The following NHLRC3 variants were observed in gnomAD, a reference collection of about 807,000 sequenced individuals.
The protein encoded by NHLRC3 is NHL repeat-containing protein 3.
NHLRC3 carries 23 observed loss-of-function variants against 32.0 expected under a neutral mutation model. The observed-to-expected ratio is 0.72, with a 90% CI of 0.52 to 1.02. The LOEUF is 1.02. NHLRC3 is among the 50% of genes least tolerant of loss of function. The pLI, the probability that NHLRC3 is intolerant of heterozygous loss-of-function variation, is 0.00. For synonymous variants in NHLRC3, 159 were observed against 147.9 expected (o/e 1.08, Z -0.55); for missense variants, 407 against 406.8 (o/e 1.00, Z -0.01).
At chr13:39,045,130 T>C (rs1031592844) in intron 5 of NHLRC3, among the ~76,000 whole-genome samples, 5 of 152,360 alleles carry the variant, frequency 3.3e-5, no homozygotes, top group South Asian at 2.1e-4. Context: ...AAACTTCTAA[T>C]TATGACTTGG....
intron 2 of NHLRC3, 104 bp downstream of exon 2, chr13:39,039,392 G>C: frequency 9.0e-7 from 1 of 1,110,822 alleles, no homozygotes; most frequent in Non-Finnish European, 1.3e-6. Context: ...TGCTAATTGT[G>C]CAATTTATTT....
rs537254709 is a variant in NHLRC3 at position 39,040,263 on chromosome 13, T to G, written c.385+552T>G. The G allele has an allele frequency of 3.9e-5, 6 of 152,274 alleles. No individual in the cohort carries two copies. The South Asian group carries it at 1.2e-3, about 32-fold the overall frequency. The allele number at this position is 152,274 out of a possible 1,614,324, so 9.4% of individuals were successfully genotyped here. On this transcript the variant is annotated intron_variant, in intron 3 of 6. Transcript: ENST00000379600. ...TCTTTCCTTGAACTTGTCTAGGGTC[T>G]TTTCCTCTTTAAAGCATCAGTTGCT... is the stretch of plus-strand genomic sequence containing the variant.
In NHLRC3 at chr13:39,047,145, T is replaced by A. The variant is rs986704716; in HGVS notation, c.784T>A (p.Ser262Thr). The A allele has an allele frequency of 3.2e-6, 5 of 1,577,912 alleles. No homozygotes were observed. The highest frequency in any genetic ancestry group is 4.4e-6 in the Non-Finnish European group (5 of 1,149,110). ...TTGTTTCACAGAAGAGGGACCTTCT[T>A]CAGTCAGGTAATTGTTTCATTTTAT... is the stretch of plus-strand genomic sequence containing the variant. ...NNCFTEEGPSSVRFTPDGKYL... is the reference protein window; with the variant it reads ...NNCFTEEGPSTVRFTPDGKYL... Residue 262 changes from serine to threonine, a missense_variant, in exon 6 of 7, where the codon TCA becomes ACA. Ser to Thr is a moderately conservative substitution (Grantham distance 58). Transcript: ENST00000379600.
At chr13:39,046,583 T>C (rs1286066989) in intron 5 of NHLRC3, among the ~76,000 whole-genome samples, 3 of 152,208 alleles carry the variant, frequency 2.0e-5, no homozygotes, top group Non-Finnish European at 4.4e-5. Context: ...AATGAATACC[T>C]CACATCCTGC....
chr13:39,046,781 AT>A (rs762853137), intron 5 of NHLRC3, among the ~76,000 whole-genome samples: 6 of 152,190 alleles, frequency 3.9e-5, no homozygotes, highest in Non-Finnish European at 7.3e-5. Context: ...TTATTCACAC[AT>A]TTAGAACAGT....
At chr13:39,045,650 A>G (rs1871642704) in intron 5 of NHLRC3, among the ~76,000 whole-genome samples, 1 of 152,224 alleles carries the variant, frequency 6.6e-6, no homozygotes, top group Admixed American at 6.5e-5. Context: ...CTAAAGTATC[A>G]TTCCATCCTA....
Position 39,039,177 on chromosome 13 carries a change from G to A in NHLRC3, c.126G>A (p.Glu42=), listed in dbSNP as rs781513687. ...NFTFAVSWRT[E]KILYRLDVGW... is the part of the protein sequence containing the mutation. ...CTTTTGCAGTTTCCTGGAGAACTGA[G>A]AAAATTCTTTACCGGCTGGATGTGG... The change falls in exon 2 of 7, where the codon GAG becomes GAA. Residue 42 remains glutamate (E), a synonymous_variant. Transcript: ENST00000379600. The A allele has an allele frequency of 5.0e-6, 8 of 1,613,322 alleles. No homozygotes were observed. The African/African-American group carries it at 8.0e-5, about 16-fold the overall frequency.
intron 3 of NHLRC3, chr13:39,040,635 T>A (rs917746164): frequency 6.6e-6 from 1 of 152,224 alleles, no homozygotes; most frequent in African/African-American, 2.4e-5. Context: ...ACCTGAGATA[T>A]CCTGGCATTA....
chr13:39,047,609 G>A (rs946241912), intron 6 of NHLRC3, 65 bp from the exon 7 acceptor site: 104 of 1,403,106 alleles, frequency 7.4e-5, no homozygotes, highest in Non-Finnish European at 9.3e-5. Context: ...GGATTAAAAT[G>A]TTGAAAAAAA....
rs200432148 is a variant in NHLRC3, at chr13:39,047,760, T to C, written c.878T>C (p.Ile293Thr). 544 of 1,613,644 alleles carry C rather than the reference T, an allele frequency of 3.4e-4. 8 individuals are homozygous for C. In the South Asian group the frequency reaches 4.8e-3, roughly 14 times the overall value. The change falls in exon 7 of 7, where the codon ATT becomes ACT. Residue 293 changes from isoleucine (I) to threonine (T), a missense_variant. Physicochemically the swap from Ile to Thr is moderately conservative, Grantham distance 89. Coordinates refer to ENST00000379600, the MANE Select transcript of NHLRC3 (RefSeq NM_001012754.4). ...GTAGCAGCACCCCCAGTGGGAAGCA[T>C]TGGGGAGTGTTCTGTGATCAGCACA... is the stretch of plus-strand genomic sequence containing the variant. Reference protein sequence around the residue: ...SVVAAPPVGSIGECSVISTIQ... With the variant: ...SVVAAPPVGSTGECSVISTIQ...
chr13:39,047,851 T>C lies in NHLRC3; in HGVS notation c.969T>C (p.Tyr323=). 1 of 1,614,032 alleles carries C rather than the reference T, an allele frequency of 6.2e-7. No homozygotes were observed. The highest frequency in any genetic ancestry group is 8.5e-7 in the Non-Finnish European group (1 of 1,179,888). The change falls in exon 7 of 7, where the codon TAT becomes TAC. Residue 323 remains tyrosine (Y), a synonymous_variant. Coordinates refer to ENST00000379600, the MANE Select transcript of NHLRC3 (RefSeq NM_001012754.4). ...LEVDRKTGAV[Y]VAEIGAKQVQ... ...TCGACAGAAAGACTGGAGCAGTCTA[T>C]GTAGCAGAAATTGGAGCAAAACAAG...
chr13:39,038,421 C>G, upstream of NHLRC3: 2 of 575,688 alleles, frequency 3.5e-6, no homozygotes, highest in Non-Finnish European at 3.1e-6. Flanking sequence ...CCCCGAAATG[C>G]ACACGAAGTC....
rs79883475 is a variant in NHLRC3, at chr13:39,038,990, C to G, written c.85-146C>G. 28,609 of 682,372 alleles carry G rather than the reference C, an allele frequency of 0.042. 769 individuals carry two copies. The highest frequency in any genetic ancestry group is 0.057 in the South Asian group (2,993 of 52,310). 42.3% of individuals were successfully genotyped at this position (682,372 alleles called of 1,614,324 possible). A position where few individuals can be genotyped will look rare whatever the true frequency, so the allele number is the denominator to read the frequency against. On this transcript the variant is annotated intron_variant, in intron 1 of 6. Transcript: ENST00000379600. ...TCGTGTTGGTCTTTAGGCATCTAAG[C>G]TCATTTCTTTGGAATTATTTCAGTC... is the stretch of plus-strand genomic sequence containing the variant.
chr13:39,048,166 G>A lies in NHLRC3; in HGVS notation c.*240G>A, dbSNP rs1871763061. The A allele has an allele frequency of 2.6e-6, 1 of 378,104 alleles. No homozygotes were observed. Among genetic ancestry groups the A allele is most frequent in the African/African-American group, 2.0e-5 (1 of 49,262 alleles). 23.4% of individuals were successfully genotyped at this position (378,104 alleles called of 1,614,324 possible). On this transcript the variant is annotated 3_prime_UTR_variant, in exon 7 of 7. Coordinates refer to ENST00000379600, the MANE Select transcript of NHLRC3 (RefSeq NM_001012754.4). ...AGTAACTAAAAAATGGGGTTGGGAA[G>A]AGGGACTAAGGTGGTAACCTCATTA...
At chr13:39,043,742 T>C (rs1488212786) in intron 4 of NHLRC3, among the ~76,000 whole-genome samples, 6 of 152,146 alleles carry the variant, frequency 3.9e-5, no homozygotes, top group Non-Finnish European at 7.4e-5. Flanking sequence ...ATGTGAATTT[T>C]TAAGGTCTGT....
chr13:39,038,716 GCT>G lies in NHLRC3; in HGVS notation c.81_82del (p.Pro28SerfsTer14). ...TTGGTTTTGCATTCGCGTTTTTGTGGCTCTCCAGTGAGTTGGGTAGTGAGGAA... is the reference window on the plus strand; with the variant it reads ...TTGGTTTTGCATTCGCGTTTTTGTGGCTCCAGTGAGTTGGGTAGTGAGGAA... On this transcript the variant is annotated frameshift_variant, in exon 1 of 7. Coordinates refer to ENST00000379600, the MANE Select transcript of NHLRC3 (RefSeq NM_001012754.4). LOFTEE classifies it high-confidence loss of function. 1 of 1,613,286 alleles carries G rather than the reference GCT, an allele frequency of 6.2e-7. No homozygotes were observed.
At chr13:39,041,257 G>A (rs1288547706) in intron 3 of NHLRC3, 2 of 151,674 alleles carry the variant, frequency 1.3e-5, no homozygotes, top group East Asian at 3.9e-4. Flanking sequence ...TTAGAAACTT[G>A]GAGGCTTATG....
intron 3 of NHLRC3, chr13:39,041,694 T>C (rs944142855): frequency 2.8e-5 from 5 of 179,354 alleles, no homozygotes; most frequent in African/African-American, 9.6e-5. Flanking sequence ...AAGGTCTGTA[T>C]GTGAGTGATT....
chr13:39,045,351 G>A (rs894489659), intron 5 of NHLRC3, among the ~76,000 whole-genome samples: 9 of 152,144 alleles, frequency 5.9e-5, no homozygotes, highest in Non-Finnish European at 1.0e-4. Flanking sequence ...GCGAGACCTC[G>A]ACCCAGGTAA....
Sources: gnomAD v4.1 joint callset for allele counts (sites outside exome capture counted in the v4.1 genomes callset) on GRCh38, gnomAD v4.1.1 for gene constraint, MANE v1.5 for transcripts, NCBI Gene and HGNC (gene_info 2026-07-23, HGNC 2026-07-21) for gene names.